The following CAMSAP2 variants were observed in gnomAD, a reference collection of about 807,000 sequenced individuals.
The protein encoded by CAMSAP2 is calmodulin-regulated spectrin-associated protein 2.
Under a neutral mutation model 146.1 loss-of-function variants are expected in CAMSAP2, and 26 were observed. The ratio of observed to expected loss-of-function variants is 0.18; its 90% confidence interval spans 0.13 to 0.25. The LOEUF (loss-of-function observed/expected upper bound fraction) is 0.25. Among genes scored for constraint, CAMSAP2 ranks in the 10% least tolerant of loss-of-function variants. The probability of loss-of-function intolerance (pLI) is 1.00; values close to 1 mark genes in which losing one functional copy is unlikely to be tolerated. For missense variants in CAMSAP2, 1,381 were observed against 1,759.3 expected, an observed-to-expected ratio of 0.78 and a Z score of 3.85; for synonymous variants, 499 against 596.6, an observed-to-expected ratio of 0.84 and a Z score of 2.38.
intron 2 of CAMSAP2, among the ~76,000 whole-genome samples, chr1:200,795,367 A>T (rs1032502102): frequency 6.6e-6 from 1 of 152,262 alleles, no homozygotes; most frequent in Admixed American, 6.5e-5. Context: ...TAGAGATCTA[A>T]TGAGTCAGCC....
intron 4 of CAMSAP2, among the ~76,000 whole-genome samples, chr1:200,830,108 G>A (rs1030706917): frequency 6.6e-6 from 1 of 152,200 alleles, no homozygotes; most frequent in African/African-American, 2.4e-5. Flanking sequence ...CAAATAGCAT[G>A]TTCAAGTACA....
At chr1:200,754,605 C>T (rs1305672993) in intron 1 of CAMSAP2, among the ~76,000 whole-genome samples, 5 of 94,892 alleles carry the variant, frequency 5.3e-5, no homozygotes, top group East Asian at 3.6e-4. Context: ...TTTTTTGAGA[C>T]GAAGTCTGGC....
intron 1 of CAMSAP2, among the ~76,000 whole-genome samples, chr1:200,755,152 C>T (rs1571718969): frequency 6.6e-6 from 1 of 152,286 alleles, no homozygotes; most frequent in Non-Finnish European, 1.5e-5. Flanking sequence ...AACATTTCTT[C>T]AAGGAGCAGT....
intron 2 of CAMSAP2, among the ~76,000 whole-genome samples, chr1:200,768,536 G>A (rs1259416403): frequency 6.6e-6 from 1 of 152,204 alleles, no homozygotes; most frequent in Non-Finnish European, 1.5e-5. Flanking sequence ...GTTTCAGAAA[G>A]TCACTGTGGT....
At chr1:200,811,569 C>G (rs1019443231) in intron 3 of CAMSAP2, among the ~76,000 whole-genome samples, 3 of 152,150 alleles carry the variant, frequency 2.0e-5, no homozygotes, top group African/African-American at 7.2e-5. Flanking sequence ...TTTCTTGCTT[C>G]TACTTGCTCT....
intron 4 of CAMSAP2, among the ~76,000 whole-genome samples, chr1:200,829,655 C>T (rs899457026): frequency 1.3e-5 from 2 of 151,488 alleles, no homozygotes; most frequent in Non-Finnish European, 2.9e-5. Context: ...TGGCCGGGTG[C>T]GGTGGCTCAC....
At chr1:200,751,535 CAA>C (rs35294926) in intron 1 of CAMSAP2, among the ~76,000 whole-genome samples, 166 of 41,544 alleles carry the variant, frequency 4.0e-3, no homozygotes, top group African/African-American at 0.012. Context: ...GACTCCATCT[CAA>C]AAAAAAAAAA....
At chr1:200,836,789 C>A (rs1032715039) in intron 6 of CAMSAP2, among the ~76,000 whole-genome samples, 2 of 151,988 alleles carry the variant, frequency 1.3e-5, no homozygotes, top group Non-Finnish European at 2.9e-5. Flanking sequence ...CCATTCTAAC[C>A]GGTGTGAGAT....
At chr1:200,819,434 T>C (rs1666690707) in intron 4 of CAMSAP2, among the ~76,000 whole-genome samples, 1 of 152,210 alleles carries the variant, frequency 6.6e-6, no homozygotes, top group African/African-American at 2.4e-5. Context: ...ATTTGCTAAA[T>C]CTGGAAGCCG....
chr1:200,792,092 T>G (rs1323770062), intron 2 of CAMSAP2, among the ~76,000 whole-genome samples: 3 of 151,740 alleles, frequency 2.0e-5, no homozygotes, highest in Admixed American at 6.6e-5. Context: ...AAAGGTAGGT[T>G]AAATTGGGAA....
intron 2 of CAMSAP2, among the ~76,000 whole-genome samples, chr1:200,782,782 CTTTTTTTTTT>C (rs57995961): frequency 6.9e-5 from 5 of 72,242 alleles, no homozygotes; most frequent in Admixed American, 1.7e-4. Context: ...TCATTTCTCT[CTTTTTTTTTT>C]TTTTTTTTTT....
Position 200,739,747 on chromosome 1 carries a change from C to G in CAMSAP2, c.-81C>G. The G allele has an allele frequency of 2.1e-6, 3 of 1,423,260 alleles. No homozygotes were observed. The highest frequency in any genetic ancestry group is 2.9e-6 in the Non-Finnish European group (3 of 1,050,512). 88.2% of individuals were successfully genotyped at this position (1,423,260 alleles called of 1,614,324 possible). A position where few individuals can be genotyped will look rare whatever the true frequency, so the allele number is the denominator to read the frequency against. On this transcript the variant is annotated 5_prime_UTR_variant, in exon 1 of 17. Transcript: ENST00000358823. The surrounding 1 kb of genome is among the most constrained non-coding windows in gnomAD (Gnocchi z 4.8). ...CCCCGATGGTTTGAGCTTGCTTCTC[C>G]CTCCCTCCCGACCCCCGTGGTGGCG...
intron 1 of CAMSAP2, among the ~76,000 whole-genome samples, chr1:200,743,839 G>A (rs1664244599): frequency 6.6e-6 from 1 of 152,134 alleles, no homozygotes; most frequent in South Asian, 2.1e-4. Context: ...TACTCAGGAG[G>A]CTGAGGCAGG....
At chr1:200,791,966 CA>C (rs34505630) in intron 2 of CAMSAP2, among the ~76,000 whole-genome samples, 96 of 143,400 alleles carry the variant, frequency 6.7e-4, no homozygotes, top group Middle Eastern at 3.5e-3. Flanking sequence ...ACCCTGTCTC[CA>C]AAAAAAAAAA....
chr1:200,777,000 A>T (rs374753169), intron 2 of CAMSAP2, among the ~76,000 whole-genome samples: 10 of 152,272 alleles, frequency 6.6e-5, no homozygotes, highest in Middle Eastern at 3.4e-3. Flanking sequence ...AGAGAAGGAC[A>T]AAACACCTTT....
At chr1:200,819,535 A>G (rs1338841458) in intron 4 of CAMSAP2, among the ~76,000 whole-genome samples, 1 of 152,162 alleles carries the variant, frequency 6.6e-6, no homozygotes, top group Non-Finnish European at 1.5e-5. Flanking sequence ...CTATGGTAAA[A>G]TGAGTATTGC....
chr1:200,802,381 C>T (rs1006170202), intron 2 of CAMSAP2, among the ~76,000 whole-genome samples: 2 of 152,040 alleles, frequency 1.3e-5, no homozygotes, highest in African/African-American at 4.8e-5. Flanking sequence ...ATCATCTCAG[C>T]GGAGTTGCAA....
Position 200,748,777 on chromosome 1 carries a change from A to G in CAMSAP2, c.139+8811A>G, listed in dbSNP as rs181205564. Among the ~76,000 whole-genome samples the G allele has an allele frequency of 2.0e-3, 287 of 145,716 alleles. 2 individuals are homozygous for G. Among genetic ancestry groups the G allele is most frequent in the African/African-American group, 6.4e-3 (254 of 39,524 alleles). The stretch of plus-strand genomic sequence containing the variant: ...GGTTTGATTTTTTTTTTTTTTTGGT[A>G]TACTTTATACGTGGTGTATAGTTCT... On this transcript the variant is annotated intron_variant, in intron 1 of 16. Coordinates refer to ENST00000358823, the MANE Select transcript of CAMSAP2 (RefSeq NM_203459.4).
At chr1:200,777,740 A>G (rs1665321265) in intron 2 of CAMSAP2, among the ~76,000 whole-genome samples, 1 of 152,170 alleles carries the variant, frequency 6.6e-6, no homozygotes, top group South Asian at 2.1e-4. Flanking sequence ...ATATGTGCAT[A>G]TATTCTGTAA....
Sources: allele counts gnomAD v4.1 joint callset (sites outside exome capture counted in the v4.1 genomes callset), GRCh38; gene constraint gnomAD v4.1.1; non-coding constraint Gnocchi (gnomAD v3.1); transcripts MANE v1.5; gene names NCBI Gene and HGNC (gene_info 2026-07-23, HGNC 2026-07-21).